The following SYT16 variants were observed in gnomAD, a reference collection of about 807,000 sequenced individuals.
SYT16 encodes the protein synaptotagmin 16.
A neutral mutation model predicts 61.4 loss-of-function variants in SYT16; 42 were observed. The ratio of observed to expected loss-of-function variants is 0.68; its 90% CI spans 0.53 to 0.89. The LOEUF is 0.89. Among genes scored for constraint, SYT16 ranks in the 40% least tolerant of loss-of-function variants. SYT16 has a pLI of 0.00. For missense variants in SYT16, 804 were observed against 807.3 expected, an observed-to-expected ratio of 1.00 and a Z score of 0.05; for synonymous variants, 314 against 302.3, an observed-to-expected ratio of 1.04 and a Z score of -0.40.
chr14:61,940,169 C>T (rs1336880359), intron 1 of SYT16, among the ~76,000 whole-genome samples: 2 of 152,102 alleles, frequency 1.3e-5, no homozygotes, highest in African/African-American at 4.8e-5. Context: ...CATTATTGTC[C>T]TTTTCACGGG....
intron 1 of SYT16, among the ~76,000 whole-genome samples, chr14:61,859,309 C>T (rs930964147): frequency 6.6e-6 from 1 of 151,974 alleles, no homozygotes; most frequent in African/African-American, 2.4e-5. Context: ...GCCATGTGTA[C>T]AGTAAAGAGC....
At chr14:61,993,936 C>T (rs1257407965) in intron 2 of SYT16, among the ~76,000 whole-genome samples, 2 of 152,250 alleles carry the variant, frequency 1.3e-5, no homozygotes, top group East Asian at 3.9e-4. Flanking sequence ...AACAGACAAT[C>T]CCTGCCATCC....
At chr14:61,900,432 A>C (rs1238754971) in intron 1 of SYT16, among the ~76,000 whole-genome samples, 2 of 152,172 alleles carry the variant, frequency 1.3e-5, no homozygotes, top group Non-Finnish European at 2.9e-5. Context: ...TGTTGGGATT[A>C]CAGGTGTGAG....
intron 1 of SYT16, among the ~76,000 whole-genome samples, chr14:61,821,997 G>A (rs1170298150): frequency 6.6e-6 from 1 of 152,154 alleles, no homozygotes; most frequent in Non-Finnish European, 1.5e-5. Flanking sequence ...TATTAGGGGA[G>A]AATTGGCTAA....
At chr14:61,931,966 C>T (rs2049790676) in intron 1 of SYT16, among the ~76,000 whole-genome samples, 1 of 152,178 alleles carries the variant, frequency 6.6e-6, no homozygotes, top group South Asian at 2.1e-4. Context: ...GCAGTACCAC[C>T]AACAGTGTCC....
Position 62,084,224 on chromosome 14 carries a change from C to T in SYT16, c.1463C>T (p.Ala488Val), listed in dbSNP as rs755013221. The change falls in exon 7 of 8, where the codon GCG becomes GTG. Residue 488 changes from alanine (A) to valine (V), a missense_variant. By Grantham distance (64) the Ala-to-Val change is moderately conservative. Coordinates refer to ENST00000683842, the MANE Select transcript of SYT16 (RefSeq NM_001367656.1). ...GGAGGGTCTCCGCTCAGCCCATCTG[C>T]GGTTTCTCACAGTGATAGTACTTCA... Reference protein sequence around the residue: ...SSGGSPLSPSAVSHSDSTSST... With the variant: ...SSGGSPLSPSVVSHSDSTSST... 86 of 1,613,690 alleles carry T rather than the reference C, an allele frequency of 5.3e-5. No individual in the cohort carries two copies. The highest frequency in any genetic ancestry group is 2.5e-4 in the East Asian group (11 of 44,880).
chr14:61,838,966 A>G (rs74057516), intron 1 of SYT16, among the ~76,000 whole-genome samples: 11,517 of 150,444 alleles, frequency 0.077, 518 homozygotes, highest in Non-Finnish European at 0.1. Context: ...GTGTTTCCCC[A>G]CCGGCCCCCC....
intron 1 of SYT16, among the ~76,000 whole-genome samples, chr14:61,942,599 CTG>C (rs2050251519): frequency 6.6e-6 from 1 of 152,160 alleles, no homozygotes; most frequent in Admixed American, 6.5e-5. Flanking sequence ...ATTTAGATGA[CTG>C]TGATCCTGTC....
At chr14:61,990,645 C>A (rs2052509657) in intron 2 of SYT16, among the ~76,000 whole-genome samples, 1 of 152,140 alleles carries the variant, frequency 6.6e-6, no homozygotes, top group Non-Finnish European at 1.5e-5. Flanking sequence ...CTTTAGCTTT[C>A]ACCAAAATAA....
intron 4 of SYT16, among the ~76,000 whole-genome samples, chr14:62,070,430 G>A (rs192193541): frequency 1.3e-5 from 2 of 152,152 alleles, no homozygotes; most frequent in Admixed American, 6.5e-5. Flanking sequence ...TACTGGGTAA[G>A]CACAAAGTCT....
intron 3 of SYT16, among the ~76,000 whole-genome samples, chr14:62,051,347 C>T (rs966270610): frequency 1.7e-4 from 26 of 152,318 alleles, no homozygotes; most frequent in Middle Eastern, 3.4e-3. Context: ...GGGAGTGACC[C>T]GATTTTCCAG....
At chr14:61,941,336 C>T (rs3886274) in intron 1 of SYT16, among the ~76,000 whole-genome samples, 2 of 152,158 alleles carry the variant, frequency 1.3e-5, no homozygotes, top group African/African-American at 2.4e-5. Context: ...CAGGCTTCAG[C>T]TCATATATAA....
At chr14:62,055,086 G>A (rs1274806331) in intron 3 of SYT16, among the ~76,000 whole-genome samples, 4 of 152,086 alleles carry the variant, frequency 2.6e-5, no homozygotes, top group Non-Finnish European at 4.4e-5. Context: ...AGAAATATTG[G>A]GGGTTTGGGG....
Position 61,830,561 on chromosome 14 carries a change from T to C in SYT16, c.-325+17751T>C, listed in dbSNP as rs183398678. Among the ~76,000 whole-genome samples, 175 of 152,340 alleles carry C rather than the reference T, an allele frequency of 1.1e-3. 1 individual carries two copies. Among genetic ancestry groups the C allele is most frequent in the Admixed American group, 4.8e-3 (74 of 15,302 alleles). On this transcript the variant is annotated intron_variant, in intron 1 of 7. Transcript: ENST00000683842. ...TGTTGACTCCGGTTGATTTCACACATGGACCATTTAGGGGTCTGCACAGGA... is the reference window on the plus strand; with the variant it reads ...TGTTGACTCCGGTTGATTTCACACACGGACCATTTAGGGGTCTGCACAGGA...
chr14:61,838,337 T>C (rs2046196682), intron 1 of SYT16, among the ~76,000 whole-genome samples: 1 of 152,182 alleles, frequency 6.6e-6, no homozygotes, highest in Admixed American at 6.5e-5. Flanking sequence ...CTCCCCACAG[T>C]TGGCTCCGTC....
Position 62,071,202 on chromosome 14 carries a change from A to G in SYT16, c.736+1387A>G, listed in dbSNP as rs561368646. Among the ~76,000 whole-genome samples the G allele has an allele frequency of 4.6e-5, 7 of 152,348 alleles. 1 individual carries two copies. The highest frequency in any genetic ancestry group is 1.7e-4 in the African/African-American group (7 of 41,580). ...TTGGCTTTTCTCTTTCTCTGATGTT[A>G]CATCACAGCATTCCTTTCTCTCCAT... On this transcript the variant is annotated intron_variant, in intron 4 of 7. Transcript: ENST00000683842.
intron 1 of SYT16, among the ~76,000 whole-genome samples, chr14:61,888,035 A>T (rs1201997609): frequency 6.6e-6 from 1 of 151,702 alleles, no homozygotes; most frequent in Non-Finnish European, 1.5e-5. Flanking sequence ...TTATCTTTTG[A>T]TTTAAAGTGA....
chr14:61,941,801 G>A (rs1022189444), intron 1 of SYT16, among the ~76,000 whole-genome samples: 1 of 152,156 alleles, frequency 6.6e-6, no homozygotes, highest in Non-Finnish European at 1.5e-5. Flanking sequence ...TCAATGAAGT[G>A]GGGGGCAGGG....
At position 62,103,008 on chromosome 14, in the gene SYT16, G is replaced by T. The variant is rs966705042; in HGVS notation, c.*2301G>T. The T allele has an allele frequency of 6.6e-6, 1 of 152,154 alleles. No homozygotes were observed. Among genetic ancestry groups the T allele is most frequent in the Admixed American group, 6.5e-5 (1 of 15,272 alleles). 9.4% of individuals were successfully genotyped at this position (152,154 alleles called of 1,614,324 possible). A position where few individuals can be genotyped will look rare whatever the true frequency, so the allele number is the denominator to read the frequency against. Reference sequence around the variant, plus strand: ...TTATTTTTATAATTTTACTATGTTGGTGCTACTCACCAAATAGGATGCATG... The same window carrying T: ...TTATTTTTATAATTTTACTATGTTGTTGCTACTCACCAAATAGGATGCATG... On this transcript the variant is annotated 3_prime_UTR_variant, in exon 8 of 8. Coordinates refer to ENST00000683842, the MANE Select transcript of SYT16 (RefSeq NM_001367656.1).
Sources: allele counts gnomAD v4.1 joint callset (sites outside exome capture counted in the v4.1 genomes callset), GRCh38; gene constraint gnomAD v4.1.1; transcripts MANE v1.5; gene names NCBI Gene and HGNC (gene_info 2026-07-23, HGNC 2026-07-21).